Variants in TENT2 observed in about 807,000 individuals in gnomAD.
TENT2 encodes the protein poly(A) RNA polymerase GLD2.
A neutral mutation model predicts 72.2 loss-of-function variants in TENT2; 44 were observed. The ratio of observed to expected loss-of-function variants is 0.61; its 90% CI spans 0.48 to 0.78. The LOEUF is 0.78. Ranked by LOEUF, TENT2 falls within the 30% of genes least tolerant of loss-of-function variation. The pLI is 0.00. For missense variants in TENT2, 541 were observed against 569.6 expected, an observed-to-expected ratio of 0.95 and a Z score of 0.51; for synonymous variants, 212 against 192.5, an observed-to-expected ratio of 1.10 and a Z score of -0.84.
At chr5:79,630,255 A>G (rs534818069) in intron 4 of TENT2, among the ~76,000 whole-genome samples, 19 of 152,292 alleles carry the variant, frequency 1.2e-4, no homozygotes, top group Admixed American at 3.9e-4. Context: ...TAGAGGAGGC[A>G]GTATTTGAGT....
chr5:79,632,450 A>C (rs1235062267), intron 4 of TENT2, among the ~76,000 whole-genome samples: 1 of 152,196 alleles, frequency 6.6e-6, no homozygotes, highest in African/African-American at 2.4e-5. Flanking sequence ...TTTTCTGCAC[A>C]AAAATGAGAA....
intron 4 of TENT2, among the ~76,000 whole-genome samples, chr5:79,628,748 A>G (rs1033980794): frequency 6.6e-6 from 1 of 152,222 alleles, no homozygotes; most frequent in African/African-American, 2.4e-5. Context: ...CTCCTCAGAA[A>G]CTTCATGTTC....
At chr5:79,625,156 T>C (rs1222496715) in intron 4 of TENT2, among the ~76,000 whole-genome samples, 4 of 152,248 alleles carry the variant, frequency 2.6e-5, no homozygotes, top group African/African-American at 4.8e-5. Flanking sequence ...CCTAATGATA[T>C]TGAGCATCTT....
At position 79,681,141 on chromosome 5, in the gene TENT2, TTTTC is replaced by T. The variant is rs1331674051; in HGVS notation, c.1301-837_1301-834del. Among the ~76,000 whole-genome samples the T allele has an allele frequency of 1.4e-5, 2 of 147,952 alleles. 1 individual carries two copies. The highest frequency in any genetic ancestry group is 3.0e-5 in the Non-Finnish European group (2 of 67,360). On this transcript the variant is annotated intron_variant, in intron 13 of 14. Coordinates refer to ENST00000453514, the MANE Select transcript of TENT2 (RefSeq NM_001114394.3). The stretch of plus-strand genomic sequence containing the variant: ...TCTCATGCAAGTTACTTCTTTTTTC[TTTTC>T]TTTGATTTTTTTTTTTTTTTTTTTT...
rs766360045 is a variant in TENT2 at position 79,619,731 on chromosome 5, C to T, written c.83C>T (p.Thr28Ile). 1.5e-5 allele frequency: 24 copies of T among 1,613,796 alleles called. No individual in the cohort carries two copies. Among genetic ancestry groups the T allele is most frequent in the Admixed American group, 6.7e-5 (4 of 59,990 alleles). ...AATAACTTCTTTACCCTGTCACCTA[C>T]TGTTTATTCACACCAGCAGCTTATA... is the stretch of plus-strand genomic sequence containing the variant. ...QHNNFFTLSP[T>I]VYSHQQLIDA... The change falls in exon 2 of 15, where the codon ACT (threonine) becomes ATT (isoleucine). Residue 28 changes from threonine to isoleucine, a missense_variant. Coordinates refer to ENST00000453514, the MANE Select transcript of TENT2 (RefSeq NM_001114394.3).
chr5:79,682,429 G>GCCA (rs1822713728), intron 14 of TENT2, among the ~76,000 whole-genome samples: 1 of 150,908 alleles, frequency 6.6e-6, no homozygotes, highest in Non-Finnish European at 1.5e-5. Context: ...ACAGACGAGT[G>GCCA]CCACCACACC....
rs369043183 is a variant in TENT2 at position 79,645,221 on chromosome 5, A to G, written c.821+29A>G. 1.2e-4 allele frequency: 188 copies of G among 1,546,124 alleles called. 2 individuals carry two copies. The highest frequency in any genetic ancestry group is 9.6e-5 in the Non-Finnish European group (109 of 1,130,252). On this transcript the variant is annotated intron_variant, in intron 8 of 14. Transcript: ENST00000453514. Reference sequence around the variant, plus strand: ...AATAATTAATGAGCTTTCTTTTTTTAGTTCCTTTAGATCATTTTTAGATAC... The same window carrying G: ...AATAATTAATGAGCTTTCTTTTTTTGGTTCCTTTAGATCATTTTTAGATAC...
intron 4 of TENT2, among the ~76,000 whole-genome samples, chr5:79,629,969 A>G (rs1264028533): frequency 1.3e-5 from 2 of 151,184 alleles, no homozygotes; most frequent in African/African-American, 4.9e-5. Flanking sequence ...CCCCGTCTCT[A>G]CTAAAAATAC....
chr5:79,639,461 A>G (rs1307249265), intron 4 of TENT2, among the ~76,000 whole-genome samples: 1 of 148,228 alleles, frequency 6.7e-6, no homozygotes, highest in Non-Finnish European at 1.5e-5. Context: ...ACTTAGATGT[A>G]AGAGCAGTGA....
intron 10 of TENT2, among the ~76,000 whole-genome samples, chr5:79,655,680 C>G (rs1797421067): frequency 6.6e-6 from 1 of 151,134 alleles, no homozygotes; most frequent in East Asian, 1.9e-4. Context: ...TATTTGAATG[C>G]CTCTTAGGGG....
chr5:79,628,445 A>T (rs1772252684), intron 4 of TENT2, among the ~76,000 whole-genome samples: 1 of 152,190 alleles, frequency 6.6e-6, no homozygotes, highest in Admixed American at 6.5e-5. Flanking sequence ...TGTTAAATTC[A>T]CCCTGAAGAT....
chr5:79,663,320 T>G (rs1804548593), intron 11 of TENT2, among the ~76,000 whole-genome samples: 1 of 152,220 alleles, frequency 6.6e-6, no homozygotes, highest in Non-Finnish European at 1.5e-5. Context: ...CTTCAAGAAC[T>G]TTTCCTTTGC....
chr5:79,682,436 C>T (rs564664636), intron 14 of TENT2, among the ~76,000 whole-genome samples: 7 of 151,664 alleles, frequency 4.6e-5, no homozygotes, highest in South Asian at 4.2e-4. Context: ...AGTGCCACCA[C>T]ACCCAGCTAA....
intron 4 of TENT2, among the ~76,000 whole-genome samples, chr5:79,635,657 C>T (rs1779539473): frequency 6.6e-6 from 1 of 151,994 alleles, no homozygotes; most frequent in Non-Finnish European, 1.5e-5. Context: ...AGGGTTCAAG[C>T]GATTCTCCTG....
At chr5:79,653,627 T>C (rs1454477083) in intron 10 of TENT2, among the ~76,000 whole-genome samples, 1 of 152,230 alleles carries the variant, frequency 6.6e-6, no homozygotes, top group African/African-American at 2.4e-5. Context: ...TTAATGGCAC[T>C]GCATTCAGCC....
At chr5:79,682,506 A>G (rs1329414868) in intron 14 of TENT2, among the ~76,000 whole-genome samples, 1 of 151,326 alleles carries the variant, frequency 6.6e-6, no homozygotes, top group Non-Finnish European at 1.5e-5. Context: ...GCTGGTCTCA[A>G]ACTCCTGACT....
rs1306436528 is a variant in TENT2, at chr5:79,687,333, TTC to T, written c.*2062_*2063del. Among the ~76,000 whole-genome samples, 2 of 152,148 alleles carry T rather than the reference TTC, an allele frequency of 1.3e-5. No individual in the cohort carries two copies. Among genetic ancestry groups the T allele is most frequent in the Non-Finnish European group, 2.9e-5 (2 of 68,012 alleles). ...TTTGTGTGGTGAGTACTAAATTATT[TTC>T]TGTTTGTGTTGATCTGTCCATTTCT... On this transcript the variant is annotated 3_prime_UTR_variant, in exon 15 of 15. Coordinates refer to ENST00000453514, the MANE Select transcript of TENT2 (RefSeq NM_001114394.3).
At chr5:79,668,284 T>G (rs1810098020) in intron 11 of TENT2, among the ~76,000 whole-genome samples, 1 of 152,130 alleles carries the variant, frequency 6.6e-6, no homozygotes, top group Non-Finnish European at 1.5e-5. Context: ...GTTGGTATGT[T>G]TCCTGTCTCA....
At chr5:79,653,224 C>T (rs1195282694) in intron 10 of TENT2, among the ~76,000 whole-genome samples, 2 of 152,144 alleles carry the variant, frequency 1.3e-5, no homozygotes, top group African/African-American at 4.8e-5. Flanking sequence ...TGGCTCATGC[C>T]TGTAATCCCA....
Sources: gnomAD v4.1 joint callset for allele counts (sites outside exome capture counted in the v4.1 genomes callset) on GRCh38, gnomAD v4.1.1 for gene constraint, MANE v1.5 for transcripts, NCBI Gene and HGNC (gene_info 2026-07-23, HGNC 2026-07-21) for gene names.